Variants in SEMA4F observed in about 807,000 individuals in gnomAD.
SEMA4F encodes the protein semaphorin-4F.
A neutral mutation model predicts 78.4 loss-of-function variants in SEMA4F; 51 were observed. The ratio of observed to expected loss-of-function variants is 0.65; its 90% CI spans 0.52 to 0.82. SEMA4F has a LOEUF of 0.82. Ranked by LOEUF, SEMA4F falls within the 40% of genes least tolerant of loss-of-function variation. The probability of loss-of-function intolerance (pLI) is 0.00; values close to 1 mark genes in which losing one functional copy is unlikely to be tolerated. For synonymous variants in SEMA4F, 418 were observed against 408.7 expected, an observed-to-expected ratio of 1.02 and a Z score of -0.27; for missense variants, 938 against 1,014.4, an observed-to-expected ratio of 0.92 and a Z score of 1.02.
chr2:74,657,694 C>A, intron 3 of SEMA4F, 70 bp downstream of exon 3: 1 of 1,509,208 alleles, frequency 6.6e-7, no homozygotes, highest in South Asian at 1.1e-5. Context: ...TCTCAGTCCC[C>A]TGTAATGCTT....
At position 74,679,903 on chromosome 2, in the gene SEMA4F, G is replaced by T. The variant is rs1258820534; in HGVS notation, c.2007G>T (p.Gly669=). ...VGAGLAGFFL[G]ILAASLTLIL... is the part of the protein sequence containing the mutation. ...CGGGACTGGCTGGCTTCTTCTTGGG[G>T]ATTCTCGCAGCATCCCTGACTCTCA... The change falls in exon 14 of 14, where the codon GGG becomes GGT. Residue 669 remains glycine, a synonymous_variant. Transcript: ENST00000357877. The T allele has an allele frequency of 6.2e-7, 1 of 1,614,092 alleles. No homozygotes were observed. The highest frequency in any genetic ancestry group is 8.5e-7 in the Non-Finnish European group (1 of 1,180,062).
the SEMA4F span, among the ~76,000 whole-genome samples, chr2:74,701,532 G>T: frequency 6.6e-6 from 1 of 152,154 alleles, no homozygotes; most frequent in Non-Finnish European, 1.5e-5. Context: ...CATTCAGTCA[G>T]TACTTTTCAG....
rs773732667 is a variant in SEMA4F at position 74,654,408 on chromosome 2, G to T, written c.32G>T (p.Gly11Val). 8.5e-5 allele frequency: 130 copies of T among 1,536,658 alleles called. No individual in the cohort carries two copies. Among genetic ancestry groups the T allele is most frequent in the Admixed American group, 1.9e-5 (1 of 52,192 alleles). Residue 11 changes from glycine (G) to valine (V), a missense_variant, in exon 1 of 14, where the codon GGT becomes GTT. Gly to Val is a moderately radical substitution (Grantham distance 109). Coordinates refer to ENST00000357877, the MANE Select transcript of SEMA4F (RefSeq NM_004263.5). Reference sequence around the variant, plus strand: ...GCCTCTGCTGCGCGGCCCCGCCCGGGTCCCGGGCAGCCTACAGCCTCGCCC... The same window carrying T: ...GCCTCTGCTGCGCGGCCCCGCCCGGTTCCCGGGCAGCCTACAGCCTCGCCC... MPASAARPRP[G>V]PGQPTASPFP...
At chr2:74,691,298 G>A in the SEMA4F span, among the ~76,000 whole-genome samples, 2 of 152,168 alleles carry the variant, frequency 1.3e-5, no homozygotes, top group Admixed American at 6.5e-5. Context: ...TGCTGCTCAC[G>A]TACTGTGATT....
intron 12 of SEMA4F, 51 bp from the exon 13 acceptor site, chr2:74,679,225 G>T (rs761473619): frequency 6.2e-6 from 8 of 1,300,594 alleles, no homozygotes; most frequent in East Asian, 4.6e-5. Flanking sequence ...TACTGAGGGG[G>T]GTTGAAGGGA....
intron 10 of SEMA4F, 59 bp downstream of exon 10, chr2:74,675,443 AGG>A: frequency 6.3e-7 from 1 of 1,592,896 alleles, no homozygotes; most frequent in East Asian, 2.2e-5. Context: ...CGTCACAGAG[AGG>A]GTACTGTAAT....
At chr2:74,678,725 G>A (rs1685420428) in intron 12 of SEMA4F, among the ~76,000 whole-genome samples, 1 of 152,158 alleles carries the variant, frequency 6.6e-6, no homozygotes, top group Admixed American at 6.5e-5. Flanking sequence ...CCGGCTGGAT[G>A]ACCCCAGATC....
At chr2:74,701,273 C>CCCTT in the SEMA4F span, among the ~76,000 whole-genome samples, 1 of 152,138 alleles carries the variant, frequency 6.6e-6, no homozygotes, top group African/African-American at 2.4e-5. Flanking sequence ...TTCTGGGTTT[C>CCCTT]CCTTCCTTCC....
the SEMA4F span, among the ~76,000 whole-genome samples, chr2:74,701,284 T>C: frequency 1.3e-5 from 2 of 152,184 alleles, no homozygotes; most frequent in African/African-American, 4.8e-5. Context: ...CCTTCCTTCC[T>C]TACCCAGCCT....
At chr2:74,669,934 A>T (rs755161618) in intron 5 of SEMA4F, among the ~76,000 whole-genome samples, 3 of 152,226 alleles carry the variant, frequency 2.0e-5, no homozygotes, top group Non-Finnish European at 4.4e-5. Context: ...TACAAAAAAC[A>T]AGGATTATTC....
intron 5 of SEMA4F, among the ~76,000 whole-genome samples, chr2:74,666,574 T>C (rs1193549283): frequency 2.0e-5 from 3 of 152,196 alleles, no homozygotes; most frequent in Admixed American, 6.5e-5. Flanking sequence ...ATACTAATAT[T>C]ATACATTTTC....
At chr2:74,702,710 A>T in the SEMA4F span, among the ~76,000 whole-genome samples, 3 of 152,178 alleles carry the variant, frequency 2.0e-5, no homozygotes, top group Admixed American at 2.0e-4. Flanking sequence ...CGATTCATAG[A>T]TCAACCTAGG....
intron 2 of SEMA4F, 135 bp downstream of exon 2, chr2:74,656,820 G>A: frequency 1.1e-6 from 1 of 875,916 alleles, no homozygotes; most frequent in South Asian, 1.7e-5. Context: ...TGAGTTGGGA[G>A]ACATGGGGGG....
chr2:74,701,059 G>A, the SEMA4F span, among the ~76,000 whole-genome samples: 1 of 150,138 alleles, frequency 6.7e-6, no homozygotes, highest in Admixed American at 6.6e-5. Flanking sequence ...TCTGATGGGT[G>A]GGGTATGGCT....
intron 4 of SEMA4F, among the ~76,000 whole-genome samples, chr2:74,661,974 T>C (rs771398002): frequency 5.9e-5 from 9 of 152,220 alleles, no homozygotes; most frequent in Non-Finnish European, 1.0e-4. Context: ...TTAGATGTTA[T>C]CTTGAAGCCT....
intron 7 of SEMA4F, 72 bp downstream of exon 7, chr2:74,673,900 T>C: frequency 6.6e-7 from 1 of 1,513,284 alleles, no homozygotes; most frequent in Non-Finnish European, 8.9e-7. Context: ...TTTTCCTCTT[T>C]GGGTCTCTGT....
At chr2:74,666,107 C>T (rs1684683787) in intron 5 of SEMA4F, among the ~76,000 whole-genome samples, 1 of 151,850 alleles carries the variant, frequency 6.6e-6, no homozygotes, top group Non-Finnish European at 1.5e-5. Flanking sequence ...GGGGTTTCAC[C>T]ATGTTGATCA....
In SEMA4F at chr2:74,674,669, T is replaced by A; in HGVS notation, c.994T>A (p.Ser332Thr). 6.2e-7 allele frequency: 1 copy of A among 1,613,960 alleles called. No individual in the cohort carries two copies. The highest frequency in any genetic ancestry group is 8.5e-7 in the Non-Finnish European group (1 of 1,179,966). ...GTPIFYGIFS[S>T]QWEGATISAV... ...TCCCATCTTTTATGGCATCTTTTCT[T>A]CCCAGTGGTGAGGGGTCTTGGTGTG... The change falls in exon 8 of 14, where the codon TCC becomes ACC. Residue 332 changes from serine (S) to threonine (T), a missense_variant. By Grantham distance (58) the Ser-to-Thr change is moderately conservative. Coordinates refer to ENST00000357877, the MANE Select transcript of SEMA4F (RefSeq NM_004263.5).
intron 12 of SEMA4F, 72 bp downstream of exon 12, chr2:74,675,981 A>C: frequency 2.0e-6 from 3 of 1,495,454 alleles, no homozygotes; most frequent in Non-Finnish European, 2.7e-6. Context: ...TACGTTTCTC[A>C]TCTGTTAATG....
Sources: allele counts gnomAD v4.1 joint callset (sites outside exome capture counted in the v4.1 genomes callset), GRCh38; gene constraint gnomAD v4.1.1; transcripts MANE v1.5; gene names NCBI Gene and HGNC (gene_info 2026-07-23, HGNC 2026-07-21).